GTF2IRD1: variants seen among roughly 807,000 people sequenced by gnomAD.
GTF2IRD1 encodes the protein general transcription factor II-I repeat domain-containing protein 1.
GTF2IRD1 carries 26 observed loss-of-function variants against 113.2 expected under a neutral mutation model. The ratio of observed to expected loss-of-function variants is 0.23; its 90% CI spans 0.17 to 0.32. The LOEUF (loss-of-function observed/expected upper bound fraction) is 0.32, where lower values mean the gene tolerates loss of function less well. Ranked by LOEUF, GTF2IRD1 falls within the 10% of genes least tolerant of loss-of-function variation. The pLI is 1.00. For synonymous variants in GTF2IRD1, 484 were observed against 529.1 expected (o/e 0.91, Z 1.17); for missense variants, 864 against 1,280.8 (o/e 0.67, Z 4.97).
chr7:74,494,230 G>A (rs971888092), intron 1 of GTF2IRD1, among the ~76,000 whole-genome samples: 5 of 152,180 alleles, frequency 3.3e-5, no homozygotes, highest in Admixed American at 1.3e-4. Context: ...ATCGCACCAC[G>A]GCACTCCAGC....
In GTF2IRD1 at chr7:74,510,432, G is replaced by A. The variant is rs545320096; in HGVS notation, c.123+2229G>A. Among the ~76,000 whole-genome samples, 26 of 151,282 alleles carry A rather than the reference G, an allele frequency of 1.7e-4. 1 individual carries two copies. The South Asian group carries it at 4.6e-3, about 27-fold the overall frequency. The stretch of plus-strand genomic sequence containing the variant: ...AGTGATTCTCCTGCCTCAGCCTCTG[G>A]AGTAGCTGGGATTACAGGTGTGCGC... On this transcript the variant is annotated intron_variant, in intron 2 of 26. Transcript: ENST00000424337.
Position 74,538,750 on chromosome 7 carries a change from C to A in GTF2IRD1, c.1518C>A (p.Val506=). 1 of 1,577,848 alleles carries A rather than the reference C, an allele frequency of 6.3e-7. No homozygotes were observed. Among genetic ancestry groups the A allele is most frequent in the Non-Finnish European group, 8.7e-7 (1 of 1,147,078 alleles). Residue 506 remains valine (V), a synonymous_variant, in exon 13 of 27, where the codon GTC becomes GTA. Coordinates refer to ENST00000424337, the MANE Select transcript of GTF2IRD1 (RefSeq NM_005685.4). ...CAGAGGATCTGGACATCATTCAGGTCACCGTCCCAGGTAAGGGACGGGCAT... is the reference window on the plus strand; with the variant it reads ...CAGAGGATCTGGACATCATTCAGGTAACCGTCCCAGGTAAGGGACGGGCAT... ...IEPEDLDIIQ[V]TVPDPSPTSE...
rs587770609 is a variant in GTF2IRD1 at position 74,526,081 on chromosome 7, C to T, written c.1090+1927C>T. Among the ~76,000 whole-genome samples the T allele has an allele frequency of 4.6e-5, 7 of 152,338 alleles. No homozygotes were observed. In the East Asian group the frequency reaches 5.8e-4, roughly 13 times the overall value. On this transcript the variant is annotated intron_variant, in intron 8 of 26. Coordinates refer to ENST00000424337, the MANE Select transcript of GTF2IRD1 (RefSeq NM_005685.4). ...CTGCACCTGCCCCTGAGTCTCTCCC[C>T]GCCCCAGGCAGGTGTGAGCCAGGCG...
chr7:74,521,122 A>C (rs1584588957), intron 6 of GTF2IRD1, 86 bp from the exon 7 acceptor site: 1 of 748,786 alleles, frequency 1.3e-6, no homozygotes. Context: ...CTGTTACCCC[A>C]GAGCCAGGGC....
intron 4 of GTF2IRD1, among the ~76,000 whole-genome samples, 161 bp from the exon 5 acceptor site, chr7:74,517,978 A>AG (rs1797049815): frequency 3.9e-5 from 6 of 152,084 alleles, no homozygotes; most frequent in Admixed American, 3.9e-4. Flanking sequence ...CCCAGCCTGC[A>AG]GGCGGTTATT....
intron 25 of GTF2IRD1, among the ~76,000 whole-genome samples, chr7:74,597,660 C>T (rs1209243429): frequency 6.6e-6 from 1 of 151,888 alleles, no homozygotes; most frequent in Non-Finnish European, 1.5e-5. Flanking sequence ...ACCCCGTCTC[C>T]TAAGAAATAA....
chr7:74,484,476 T>C (rs1554335217), intron 1 of GTF2IRD1, among the ~76,000 whole-genome samples: 2 of 145,266 alleles, frequency 1.4e-5, no homozygotes, highest in Non-Finnish European at 3.0e-5. Context: ...TTTTTTTGAA[T>C]TGGAGTCTCA....
chr7:74,601,649 G>A, intron 26 of GTF2IRD1: 1 of 341,038 alleles, frequency 2.9e-6, no homozygotes, highest in Non-Finnish European at 5.3e-6. Flanking sequence ...GGGCATAGTG[G>A]CTCATGCCTG....
chr7:74,486,644 G>A (rs1554335632), intron 1 of GTF2IRD1, among the ~76,000 whole-genome samples: 1 of 152,088 alleles, frequency 6.6e-6, no homozygotes, highest in African/African-American at 2.4e-5. Flanking sequence ...GGGGATTGAG[G>A]TACCAGCCAC....
At chr7:74,532,167 G>GC (rs782598552) in intron 9 of GTF2IRD1, among the ~76,000 whole-genome samples, 8 of 152,026 alleles carry the variant, frequency 5.3e-5, no homozygotes, top group African/African-American at 1.4e-4. Context: ...CACCCCCAAT[G>GC]CCCCCCCAGG....
intron 1 of GTF2IRD1, among the ~76,000 whole-genome samples, chr7:74,496,373 CAT>C (rs781992592): frequency 6.8e-5 from 9 of 131,900 alleles, no homozygotes; most frequent in South Asian, 2.5e-4. Flanking sequence ...TGTGTGTGTG[CAT>C]ATATGTGTGT....
At chr7:74,582,947 C>T (rs1412007966) in intron 22 of GTF2IRD1, among the ~76,000 whole-genome samples, 1 of 151,684 alleles carries the variant, frequency 6.6e-6, no homozygotes, top group Non-Finnish European at 1.5e-5. Context: ...TACTGCACTC[C>T]AGCCTGAATG....
intron 1 of GTF2IRD1, among the ~76,000 whole-genome samples, chr7:74,467,350 AG>A (rs1793788220): frequency 6.6e-6 from 1 of 152,152 alleles, no homozygotes; most frequent in Non-Finnish European, 1.5e-5. Context: ...TCTGGAGGGC[AG>A]TGGCGATGGC....
Position 74,535,146 on chromosome 7 carries a change from G to A in GTF2IRD1, c.1300+8G>A. 4 of 1,609,954 alleles carry A rather than the reference G, an allele frequency of 2.5e-6. No individual in the cohort carries two copies. In the South Asian group the frequency reaches 4.4e-5, roughly 18 times the overall value. ...ATGAGCGAATTTTCACAGGTATGTG[G>A]GGACCATCTAGTCCATTCTGAAGTT... On this transcript the variant is annotated splice_region_variant and intron_variant, in intron 10 of 26. Transcript: ENST00000424337.
intron 1 of GTF2IRD1, among the ~76,000 whole-genome samples, chr7:74,488,483 C>T (rs1050485196): frequency 6.6e-6 from 1 of 152,160 alleles, no homozygotes; most frequent in South Asian, 2.1e-4. Flanking sequence ...TCTGGCTGGG[C>T]ACGGTGGCTC....
intron 6 of GTF2IRD1, among the ~76,000 whole-genome samples, chr7:74,520,651 G>A (rs782471119): frequency 3.3e-5 from 5 of 151,304 alleles, no homozygotes; most frequent in Admixed American, 6.6e-5. Context: ...GAATTAAAGC[G>A]CTGGGTCTTG....
At chr7:74,494,398 C>T (rs797029042) in intron 1 of GTF2IRD1, among the ~76,000 whole-genome samples, 5 of 152,358 alleles carry the variant, frequency 3.3e-5, no homozygotes, top group African/African-American at 1.2e-4. Flanking sequence ...GCACGGTGGC[C>T]TCAGGATAGT....
At chr7:74,486,959 A>G (rs1024451188) in intron 1 of GTF2IRD1, among the ~76,000 whole-genome samples, 3 of 152,194 alleles carry the variant, frequency 2.0e-5, no homozygotes, top group Admixed American at 2.0e-4. Flanking sequence ...TGTCTCTAAA[A>G]ACAAAGAAAT....
intron 1 of GTF2IRD1, among the ~76,000 whole-genome samples, chr7:74,491,801 G>A (rs1395493266): frequency 6.6e-6 from 1 of 152,092 alleles, no homozygotes; most frequent in Non-Finnish European, 1.5e-5. Context: ...GTGTGCATGT[G>A]TCTTTATTGT....
Sources: gnomAD v4.1 joint callset for allele counts (sites outside exome capture counted in the v4.1 genomes callset) on GRCh38, gnomAD v4.1.1 for gene constraint, MANE v1.5 for transcripts, NCBI Gene and HGNC (gene_info 2026-07-23, HGNC 2026-07-21) for gene names.